ARFGEF2: variants seen among roughly 807,000 people sequenced by gnomAD.
ARFGEF2 encodes the protein ARF guanine nucleotide exchange factor 2, also known as brefeldin A-inhibited guanine nucleotide-exchange protein 2.
A neutral mutation model predicts 219.9 loss-of-function variants in ARFGEF2; 74 were observed. The ratio of observed to expected loss-of-function variants is 0.34; its 90% confidence interval spans 0.28 to 0.41. ARFGEF2 has a LOEUF of 0.41. ARFGEF2 is among the 10% of genes least tolerant of loss of function. The probability of loss-of-function intolerance (pLI) is 1.00; values close to 1 mark genes in which losing one functional copy is unlikely to be tolerated. For synonymous variants in ARFGEF2, 733 were observed against 799.2 expected (o/e 0.92, Z 1.40); for missense variants, 1,743 against 2,218.3 (o/e 0.79, Z 4.30).
In ARFGEF2 at chr20:49,033,888, C is replaced by G. The variant is rs2091651612; in HGVS notation, c.*689C>G. ...AAAAAAATGTGCCTCGTGGATCTCCCTGTTTTAGTAACATGGAGAGAAAAA... is the reference window on the plus strand; with the variant it reads ...AAAAAAATGTGCCTCGTGGATCTCCGTGTTTTAGTAACATGGAGAGAAAAA... On this transcript the variant is annotated 3_prime_UTR_variant, in exon 39 of 39. Transcript: ENST00000371917. The G allele has an allele frequency of 6.6e-6, 1 of 152,342 alleles. No homozygotes were observed. 9.4% of individuals were successfully genotyped at this position (152,342 alleles called of 1,614,324 possible). A position where few individuals can be genotyped will look rare whatever the true frequency, so the allele number is the denominator to read the frequency against.
At chr20:48,935,095 C>CTTTT (rs143338685) in intron 1 of ARFGEF2, among the ~76,000 whole-genome samples, 1 of 150,924 alleles carries the variant, frequency 6.6e-6, no homozygotes, top group African/African-American at 2.4e-5. Context: ...TTGCATTTCT[C>CTTTT]TCTTTTTTTC....
chr20:49,022,091 G>A (rs1176048956), intron 34 of ARFGEF2, among the ~76,000 whole-genome samples: 3 of 142,482 alleles, frequency 2.1e-5, no homozygotes, highest in Admixed American at 7.4e-5. Flanking sequence ...GGAGGCAGAG[G>A]TTGCAGTGAG....
At chr20:48,958,731 C>T (rs143126755) in intron 6 of ARFGEF2, among the ~76,000 whole-genome samples, 15 of 152,246 alleles carry the variant, frequency 9.9e-5, no homozygotes, top group East Asian at 1.9e-4. Flanking sequence ...TGTGAGCCAC[C>T]GTGCCCAGCC....
chr20:49,025,262 G>C (rs765203249), intron 35 of ARFGEF2, 51 bp from the exon 36 acceptor site: 2 of 1,570,612 alleles, frequency 1.3e-6, no homozygotes, highest in Non-Finnish European at 1.7e-6. Flanking sequence ...ACAATGCCCA[G>C]AGCATTCCAT....
intron 26 of ARFGEF2, among the ~76,000 whole-genome samples, chr20:49,005,655 GTGAACTC>G (rs2091453470): frequency 4.1e-5 from 6 of 147,852 alleles, no homozygotes; most frequent in Admixed American, 2.8e-4. Flanking sequence ...GGAGAATGGC[GTGAACTC>G]AGGAGGCAGA....
chr20:48,962,687 A>G (rs1324993340), intron 6 of ARFGEF2, among the ~76,000 whole-genome samples: 1 of 152,202 alleles, frequency 6.6e-6, no homozygotes, highest in Non-Finnish European at 1.5e-5. Context: ...TTATAACATC[A>G]GTATTTCCCA....
intron 37 of ARFGEF2, 103 bp from the exon 38 acceptor site, chr20:49,031,946 T>TG (rs2091638065): frequency 1.1e-6 from 1 of 937,028 alleles, no homozygotes; most frequent in East Asian, 2.4e-5. Flanking sequence ...AAAAAAAACA[T>TG]GTTAAAATAA....
chr20:48,972,641 T>C (rs1417642054), intron 11 of ARFGEF2, among the ~76,000 whole-genome samples: 2 of 152,236 alleles, frequency 1.3e-5, no homozygotes, highest in Non-Finnish European at 2.9e-5. Flanking sequence ...AAAAGTCTCA[T>C]GTCCCAGAAA....
At chr20:49,028,761 C>A in intron 37 of ARFGEF2, 93 bp downstream of exon 37, 2 of 1,397,582 alleles carry the variant, frequency 1.4e-6, no homozygotes, top group South Asian at 1.3e-5. Flanking sequence ...GAGAAAAATA[C>A]ATGCTGACAC....
At chr20:48,970,986 A>G in intron 9 of ARFGEF2, 134 bp from the exon 10 acceptor site, 1 of 781,288 alleles carries the variant, frequency 1.3e-6, no homozygotes, top group Admixed American at 2.0e-5. Flanking sequence ...ATCTGCCCTC[A>G]TTCTCCTGAC....
At chr20:48,970,128 A>G (rs2091215606) in intron 9 of ARFGEF2, among the ~76,000 whole-genome samples, 1 of 151,676 alleles carries the variant, frequency 6.6e-6, no homozygotes, top group Non-Finnish European at 1.5e-5. Flanking sequence ...CAGCCTGGCC[A>G]ACAAGATGAA....
chr20:49,023,222 G>T, intron 35 of ARFGEF2, 41 bp downstream of exon 35: 1 of 1,612,428 alleles, frequency 6.2e-7, no homozygotes, highest in African/African-American at 1.3e-5. Flanking sequence ...CCTGTCCATA[G>T]GGAGGTTGCT....
intron 31 of ARFGEF2, among the ~76,000 whole-genome samples, chr20:49,016,685 T>C (rs2091533049): frequency 6.6e-6 from 1 of 152,212 alleles, no homozygotes; most frequent in Non-Finnish European, 1.5e-5. Flanking sequence ...TTGTATATGT[T>C]TGAAATTTTC....
chr20:48,979,731 C>A (rs574605768), intron 14 of ARFGEF2, among the ~76,000 whole-genome samples: 1 of 152,276 alleles, frequency 6.6e-6, no homozygotes, highest in African/African-American at 2.4e-5. Context: ...GGAATTTATC[C>A]ATTGCTTCTA....
chr20:49,028,745 G>C, intron 37 of ARFGEF2, 77 bp downstream of exon 37: 1 of 1,505,834 alleles, frequency 6.6e-7, no homozygotes, highest in South Asian at 1.2e-5. Flanking sequence ...GGATTGAAAA[G>C]AGTAAGAGAA....
intron 6 of ARFGEF2, among the ~76,000 whole-genome samples, chr20:48,956,035 C>G (rs1025333095): frequency 1.3e-5 from 2 of 152,194 alleles, no homozygotes; most frequent in South Asian, 4.1e-4. Flanking sequence ...AAGAACAGGT[C>G]CTTCAGAAGA....
chr20:48,985,584 T>C lies in ARFGEF2; in HGVS notation c.2247T>C (p.Phe749=). The C allele has an allele frequency of 6.2e-7, 1 of 1,614,186 alleles. No homozygotes were observed. The highest frequency in any genetic ancestry group is 8.5e-7 in the Non-Finnish European group (1 of 1,180,040). ...AGATTGACCGATTAATGGAGAAGTT[T>C]GCCGCAAGATACATAGAATGCAACC... The part of the protein sequence containing the change: ...AQKIDRLMEK[F]AARYIECNQG... The change falls in exon 16 of 39, where the codon TTT becomes TTC. Residue 749 remains phenylalanine (F), a synonymous_variant. Transcript: ENST00000371917.
At chr20:48,940,959 G>A (rs1316761605) in intron 1 of ARFGEF2, among the ~76,000 whole-genome samples, 1 of 152,168 alleles carries the variant, frequency 6.6e-6, no homozygotes. Flanking sequence ...GGACCTCATA[G>A]GATCGTTGTG....
At chr20:48,991,510 G>A (rs1198155370) in intron 21 of ARFGEF2, among the ~76,000 whole-genome samples, 3 of 151,522 alleles carry the variant, frequency 2.0e-5, no homozygotes, top group Non-Finnish European at 4.4e-5. Flanking sequence ...GGGAGCTTGG[G>A]AGCTCCTGTG....
Sources: allele counts gnomAD v4.1 joint callset (sites outside exome capture counted in the v4.1 genomes callset), GRCh38; gene constraint gnomAD v4.1.1; transcripts MANE v1.5; gene names NCBI Gene and HGNC (gene_info 2026-07-23, HGNC 2026-07-21).